Variants in ADAMTS17 observed in about 807,000 individuals in gnomAD.
The protein encoded by ADAMTS17 is A disintegrin and metalloproteinase with thrombospondin motifs 17.
ADAMTS17 carries 113 observed loss-of-function variants against 141.5 expected under a neutral mutation model. The observed-to-expected ratio is 0.80, with a 90% CI of 0.69 to 0.93. ADAMTS17 has a LOEUF of 0.93. Among genes scored for constraint, ADAMTS17 ranks in the 40% least tolerant of loss-of-function variants. ADAMTS17 has a pLI of 0.00. For missense variants in ADAMTS17, 1,659 were observed against 1,517.9 expected (o/e 1.09, Z -1.54); for synonymous variants, 768 against 630.6 (o/e 1.22, Z -3.27).
Position 100,262,343 on chromosome 15 carries a change from G to A in ADAMTS17, c.873+9C>T. 1.9e-6 allele frequency: 3 copies of A among 1,613,110 alleles called. No individual in the cohort carries two copies. Among genetic ancestry groups the A allele is most frequent in the Non-Finnish European group, 2.5e-6 (3 of 1,179,370 alleles). ...TCTGCTTGCTTGAAAGGTGCCTGTGGGGACTTACGGGACGTTGTCGTAGCA... is the reference window on the plus strand; with the variant it reads ...TCTGCTTGCTTGAAAGGTGCCTGTGAGGACTTACGGGACGTTGTCGTAGCA... On this transcript the variant is annotated intron_variant, in intron 5 of 21. Transcript: ENST00000268070.
intron 15 of ADAMTS17, among the ~76,000 whole-genome samples, chr15:100,092,279 T>G (rs1028463439): frequency 1.3e-4 from 20 of 152,356 alleles, no homozygotes; most frequent in African/African-American, 4.8e-4. Flanking sequence ...TCAGTTTATG[T>G]AAGCATTTAA....
At chr15:100,187,655 C>A (rs2040767841) in intron 8 of ADAMTS17, among the ~76,000 whole-genome samples, 1 of 152,148 alleles carries the variant, frequency 6.6e-6, no homozygotes, top group African/African-American at 2.4e-5. Flanking sequence ...GAAAATGATG[C>A]TTTTCATACC....
chr15:100,137,885 C>G (rs2038419056), intron 10 of ADAMTS17, among the ~76,000 whole-genome samples: 1 of 152,010 alleles, frequency 6.6e-6, no homozygotes, highest in African/African-American at 2.4e-5. Flanking sequence ...CACCCTTTCA[C>G]TGCCAACACC....
chr15:100,000,592 C>A (rs2060900894), intron 18 of ADAMTS17, among the ~76,000 whole-genome samples: 1 of 152,228 alleles, frequency 6.6e-6, no homozygotes, highest in African/African-American at 2.4e-5. Flanking sequence ...CGGCTCATTG[C>A]AACCTCCACC....
chr15:99,999,664 T>G (rs1414564296), intron 18 of ADAMTS17, among the ~76,000 whole-genome samples: 1 of 151,420 alleles, frequency 6.6e-6, no homozygotes, highest in Non-Finnish European at 1.5e-5. Context: ...GAGAGAGGAG[T>G]GACATGTTCC....
At chr15:100,147,126 T>A (rs575021671) in intron 10 of ADAMTS17, among the ~76,000 whole-genome samples, 1 of 152,236 alleles carries the variant, frequency 6.6e-6, no homozygotes, top group South Asian at 2.1e-4. Flanking sequence ...AAATCCCTAA[T>A]AAAAACTTGC....
intron 6 of ADAMTS17, 147 bp downstream of exon 6, chr15:100,261,332 C>T: frequency 1.0e-6 from 1 of 988,282 alleles, no homozygotes; most frequent in Non-Finnish European, 1.5e-6. Context: ...CGTTAACCCC[C>T]ACTTACTAAT....
intron 8 of ADAMTS17, among the ~76,000 whole-genome samples, chr15:100,198,244 T>A (rs1381631538): frequency 1.3e-5 from 2 of 152,160 alleles, no homozygotes; most frequent in African/African-American, 2.4e-5. Flanking sequence ...ACCAGCATTT[T>A]AAAAAGTGAA....
At chr15:100,234,067 C>T (rs1327347299) in intron 7 of ADAMTS17, among the ~76,000 whole-genome samples, 4 of 152,090 alleles carry the variant, frequency 2.6e-5, no homozygotes, top group South Asian at 2.1e-4. Context: ...GAGGAAGCTC[C>T]GTGGCAGGGA....
At chr15:100,017,214 G>A (rs1293624853) in intron 18 of ADAMTS17, among the ~76,000 whole-genome samples, 1 of 152,200 alleles carries the variant, frequency 6.6e-6, no homozygotes, top group African/African-American at 2.4e-5. Context: ...CACTCGCAAC[G>A]TGCCCCCTCA....
chr15:100,258,835 A>C (rs890713729), intron 6 of ADAMTS17, among the ~76,000 whole-genome samples: 2 of 152,232 alleles, frequency 1.3e-5, no homozygotes, highest in Non-Finnish European at 2.9e-5. Context: ...ATGAAAAGAA[A>C]GTCTAACTCA....
At chr15:99,987,806 A>G (rs1034532176) in intron 20 of ADAMTS17, among the ~76,000 whole-genome samples, 1 of 152,110 alleles carries the variant, frequency 6.6e-6, no homozygotes, top group South Asian at 2.1e-4. Context: ...GGGAGAGGGT[A>G]GTGAGGGGCA....
intron 4 of ADAMTS17, among the ~76,000 whole-genome samples, chr15:100,262,875 A>C (rs1360578046): frequency 6.6e-6 from 1 of 152,154 alleles, no homozygotes; most frequent in African/African-American, 2.4e-5. Flanking sequence ...CAAAAAATAC[A>C]TACGTGAGAA....
At chr15:100,030,760 G>A (rs2030076523) in intron 18 of ADAMTS17, among the ~76,000 whole-genome samples, 1 of 152,194 alleles carries the variant, frequency 6.6e-6, no homozygotes, top group Non-Finnish European at 1.5e-5. Flanking sequence ...TGACAAGAAG[G>A]GGAATGTTAG....
At position 100,119,293 on chromosome 15, in the gene ADAMTS17, G is replaced by A. The variant is rs544012814; in HGVS notation, c.1722-2280C>T. 7.0e-4 allele frequency among the ~76,000 whole-genome samples: 107 copies of A among 152,210 alleles called. 1 individual carries two copies. Among genetic ancestry groups the A allele is most frequent in the African/African-American group, 2.4e-3 (101 of 41,542 alleles). ...GGCAGCCCCAGGAAACTAAGGAACC[G>A]GACGACACAAGGACCAGATGCTCCT... is the stretch of plus-strand genomic sequence containing the variant. On this transcript the variant is annotated intron_variant, in intron 12 of 21. Coordinates refer to ENST00000268070, the MANE Select transcript of ADAMTS17 (RefSeq NM_139057.4).
intron 8 of ADAMTS17, among the ~76,000 whole-genome samples, chr15:100,157,287 G>A (rs2039480202): frequency 6.6e-6 from 1 of 152,094 alleles, no homozygotes; most frequent in South Asian, 2.1e-4. Context: ...AGTCCAATTG[G>A]CAGACACCCG....
intron 12 of ADAMTS17, chr15:100,128,275 C>T (rs932278765): frequency 2.0e-5 from 3 of 152,176 alleles, no homozygotes; most frequent in Non-Finnish European, 4.4e-5. Context: ...TGCAGGCCCA[C>T]AGCTAGCAGA....
rs554983649 is a variant in ADAMTS17, at chr15:100,279,583, C to G, written c.789+1646G>C. Among the ~76,000 whole-genome samples, 36 of 152,332 alleles carry G rather than the reference C, an allele frequency of 2.4e-4. No individual in the cohort carries two copies. The South Asian group carries it at 3.1e-3, about 13-fold the overall frequency. On this transcript the variant is annotated intron_variant, in intron 4 of 21. Coordinates refer to ENST00000268070, the MANE Select transcript of ADAMTS17 (RefSeq NM_139057.4). ...AGCGGCCTGACCATTTGTGGCCAGG[C>G]ACTGTGCACTCACTGTGGCCAGAGC... is the stretch of plus-strand genomic sequence containing the variant.
chr15:100,199,451 C>A, intron 7 of ADAMTS17, 28 bp from the exon 8 acceptor site: 1 of 1,599,964 alleles, frequency 6.3e-7, no homozygotes, highest in Non-Finnish European at 8.6e-7. Flanking sequence ...AACACATCCT[C>A]TTCAGAACGT....
Sources: gnomAD v4.1 joint callset for allele counts (sites outside exome capture counted in the v4.1 genomes callset) on GRCh38, gnomAD v4.1.1 for gene constraint, MANE v1.5 for transcripts, NCBI Gene and HGNC (gene_info 2026-07-23, HGNC 2026-07-21) for gene names.